The following IMMP2L variants were observed in gnomAD, a reference collection of about 807,000 sequenced individuals.
IMMP2L encodes the protein inner mitochondrial membrane peptidase subunit 2, also known as mitochondrial inner membrane protease subunit 2.
A neutral mutation model predicts 19.3 loss-of-function variants in IMMP2L; 18 were observed. The observed-to-expected ratio is 0.93, with a 90% CI of 0.64 to 1.38. The LOEUF is 1.38. IMMP2L is among the 40% of genes most tolerant of loss of function. IMMP2L has a pLI of 0.00. For synonymous variants in IMMP2L, 76 were observed against 73.0 expected (o/e 1.04, Z -0.21); for missense variants, 233 against 218.2 (o/e 1.07, Z -0.43).
At chr7:111,076,783 C>T (rs117677570) in intron 3 of IMMP2L, among the ~76,000 whole-genome samples, 2,297 of 152,278 alleles carry the variant, frequency 0.015, 26 homozygotes, top group Non-Finnish European at 0.023. Context: ...ACTTAATGCA[C>T]CTACCCATCT....
intron 3 of IMMP2L, among the ~76,000 whole-genome samples, chr7:111,249,196 G>C (rs1455491382): frequency 1.3e-4 from 10 of 79,926 alleles, no homozygotes; most frequent in African/African-American, 5.2e-4. Context: ...AGGACCCTCC[G>C]AGCCAGGTGT....
chr7:111,248,816 T>C (rs1207387978), intron 3 of IMMP2L, among the ~76,000 whole-genome samples: 1 of 30,772 alleles, frequency 3.2e-5, no homozygotes, highest in Non-Finnish European at 5.5e-5. Context: ...GGGGGGTGCC[T>C]CCCAGTTAGG....
At chr7:111,265,318 C>G (rs1006655030) in intron 3 of IMMP2L, among the ~76,000 whole-genome samples, 2 of 152,190 alleles carry the variant, frequency 1.3e-5, no homozygotes, top group African/African-American at 4.8e-5. Context: ...GCCTCAGCTG[C>G]ACTTTCATGA....
chr7:110,671,388 C>T (rs1032213391), intron 5 of IMMP2L, among the ~76,000 whole-genome samples: 1 of 152,080 alleles, frequency 6.6e-6, no homozygotes, highest in Non-Finnish European at 1.5e-5. Context: ...TCTTGCCTCC[C>T]ATGGATCATT....
At chr7:110,861,540 T>C (rs770331459) in intron 5 of IMMP2L, among the ~76,000 whole-genome samples, 1 of 151,980 alleles carries the variant, frequency 6.6e-6, no homozygotes, top group South Asian at 2.1e-4. Context: ...CTGGGTTTTA[T>C]AGGTGTGAGC....
chr7:110,719,798 T>C (rs1306927359), intron 5 of IMMP2L, among the ~76,000 whole-genome samples: 1 of 151,928 alleles, frequency 6.6e-6, no homozygotes, highest in Non-Finnish European at 1.5e-5. Flanking sequence ...ATAATGAGAG[T>C]TCATCACATG....
chr7:111,326,488 A>C (rs1278692006), intron 3 of IMMP2L, among the ~76,000 whole-genome samples: 1 of 151,896 alleles, frequency 6.6e-6, no homozygotes, highest in East Asian at 1.9e-4. Flanking sequence ...AATTCCATTC[A>C]GAAATCTTCT....
chr7:110,706,948 G>A (rs906702888), intron 5 of IMMP2L, among the ~76,000 whole-genome samples: 1 of 147,690 alleles, frequency 6.8e-6, no homozygotes. Flanking sequence ...ATGTTTCCTT[G>A]GCTTTCTTCT....
chr7:110,895,378 A>G (rs999006933), intron 4 of IMMP2L, among the ~76,000 whole-genome samples: 4 of 152,100 alleles, frequency 2.6e-5, no homozygotes, highest in Non-Finnish European at 5.9e-5. Context: ...TCTAGACTCT[A>G]TTTTGTTCCA....
intron 3 of IMMP2L, among the ~76,000 whole-genome samples, chr7:111,048,349 A>T (rs182217405): frequency 1.4e-4 from 21 of 151,888 alleles, no homozygotes; most frequent in Non-Finnish European, 1.9e-4. Context: ...TTTCTACCAG[A>T]TCTTGCTCTT....
At chr7:111,277,883 A>G (rs1331922097) in intron 3 of IMMP2L, among the ~76,000 whole-genome samples, 1 of 152,176 alleles carries the variant, frequency 6.6e-6, no homozygotes, top group Non-Finnish European at 1.5e-5. Context: ...TATATGTAAC[A>G]CTACATTATG....
intron 3 of IMMP2L, among the ~76,000 whole-genome samples, chr7:110,979,040 T>A (rs1820981088): frequency 6.6e-6 from 1 of 152,100 alleles, no homozygotes; most frequent in African/African-American, 2.4e-5. Flanking sequence ...GGTCAATCAT[T>A]AGCATTTTAA....
chr7:111,465,190 C>A (rs1294828329), intron 3 of IMMP2L, among the ~76,000 whole-genome samples: 1 of 152,024 alleles, frequency 6.6e-6, no homozygotes, highest in Non-Finnish European at 1.5e-5. Flanking sequence ...CTCTCTGACC[C>A]CTATATGGTG....
intron 2 of IMMP2L, among the ~76,000 whole-genome samples, chr7:111,499,812 AAGG>A (rs1843984794): frequency 1.3e-5 from 2 of 152,232 alleles, no homozygotes; most frequent in South Asian, 4.1e-4. Context: ...CTTTTTTAAA[AAGG>A]AGGCCCGGTG....
intron 3 of IMMP2L, among the ~76,000 whole-genome samples, chr7:111,061,308 A>G (rs999860745): frequency 1.2e-4 from 18 of 152,196 alleles, no homozygotes; most frequent in Non-Finnish European, 1.9e-4. Context: ...AAGGTGATCA[A>G]TGAAGCAGGA....
chr7:111,053,319 T>A (rs538081439), intron 3 of IMMP2L, among the ~76,000 whole-genome samples: 1 of 152,178 alleles, frequency 6.6e-6, no homozygotes, highest in Non-Finnish European at 1.5e-5. Flanking sequence ...CTGCTAGCGC[T>A]TGGGAGGGGA....
chr7:110,733,147 A>G (rs1165626145), intron 5 of IMMP2L, among the ~76,000 whole-genome samples: 2 of 152,200 alleles, frequency 1.3e-5, no homozygotes, highest in Non-Finnish European at 2.9e-5. Flanking sequence ...ATCCTAAAAC[A>G]GTGATTTAAA....
At chr7:111,299,573 G>GAAAAAA (rs71147472) in intron 3 of IMMP2L, among the ~76,000 whole-genome samples, 2 of 118,680 alleles carry the variant, frequency 1.7e-5, no homozygotes, top group African/African-American at 3.0e-5. Flanking sequence ...AGCTGAAGCA[G>GAAAAAA]AAAAAAAAAA....
At chr7:110,909,602 T>G (rs1812818382) in intron 4 of IMMP2L, among the ~76,000 whole-genome samples, 1 of 152,188 alleles carries the variant, frequency 6.6e-6, no homozygotes, top group Admixed American at 6.5e-5. Flanking sequence ...CATTCATGTC[T>G]GCAGTCTTTT....
Sources: gnomAD v4.1 joint callset for allele counts (sites outside exome capture counted in the v4.1 genomes callset) on GRCh38, gnomAD v4.1.1 for gene constraint, MANE v1.5 for transcripts, NCBI Gene and HGNC (gene_info 2026-07-23, HGNC 2026-07-21) for gene names.